The following VAV2 variants were observed in gnomAD, a reference collection of about 807,000 sequenced individuals.
VAV2 encodes vav guanine nucleotide exchange factor 2.
A neutral mutation model predicts 132.5 loss-of-function variants in VAV2; 67 were observed. That is an observed-to-expected ratio of 0.51 (90% CI 0.42 to 0.62). The LOEUF is 0.62. Among genes scored for constraint, VAV2 ranks in the 20% least tolerant of loss-of-function variants. VAV2 has a pLI of 0.00. For missense variants in VAV2, 938 were observed against 1,153.6 expected (o/e 0.81, Z 2.71); for synonymous variants, 492 against 443.5 (o/e 1.11, Z -1.37).
At chr9:133,796,291 T>C in intron 11 of VAV2, 138 bp downstream of exon 11, 1 of 671,048 alleles carries the variant, frequency 1.5e-6, no homozygotes, top group Non-Finnish European at 2.5e-6. Context: ...GCGGTGATTA[T>C]GAGCTAAGCA....
chr9:133,766,994 G>T (rs1205516410), intron 29 of VAV2, among the ~76,000 whole-genome samples: 2 of 151,772 alleles, frequency 1.3e-5, no homozygotes, highest in Non-Finnish European at 2.9e-5. Flanking sequence ...GAAAAAAAGT[G>T]TGTAACTAAC....
Position 133,769,296 on chromosome 9 carries a change from G to T in VAV2, c.2434+121C>A. On this transcript the variant is annotated intron_variant, in intron 28 of 29. Coordinates refer to ENST00000371850, the MANE Select transcript of VAV2 (RefSeq NM_001134398.2). The surrounding 1 kb of genome is among the most constrained non-coding windows in gnomAD (Gnocchi z 8.1). ...CCTTTCTCCCCTCCACCCAGTGCCA[G>T]ACTGCGGACAACTGTGGCCACGTCA... is the stretch of plus-strand genomic sequence containing the variant. 9.1e-7 allele frequency: 1 copy of T among 1,093,220 alleles called. No homozygotes were observed. The highest frequency in any genetic ancestry group is 1.3e-6 in the Non-Finnish European group (1 of 771,770). The allele number at this position is 1,093,220 out of a possible 1,614,324, so 67.7% of individuals were successfully genotyped here.
At chr9:133,792,579 GTGGT>G (rs1834534148) in intron 12 of VAV2, among the ~76,000 whole-genome samples, 1 of 151,302 alleles carries the variant, frequency 6.6e-6, no homozygotes, top group Non-Finnish European at 1.5e-5. Context: ...GTCTGACTGT[GTGGT>G]TGTGTGTGTG....
rs1843040172 is a variant in VAV2, at chr9:133,992,046, CG to C, written c.204+28del. On this transcript the variant is annotated intron_variant, in intron 1 of 29. Transcript: ENST00000371850. The surrounding 1 kb of genome is among the most constrained non-coding windows in gnomAD (Gnocchi z 5.5). ...TCGGGCAGCGCGAACGCCGCCTCCC[CG>C]GGGCCCTCCCGCCCGCCGGGCGCTC... 5.3e-6 allele frequency: 8 copies of C among 1,508,742 alleles called. No homozygotes were observed. Among genetic ancestry groups the C allele is most frequent in the Non-Finnish European group, 7.1e-6 (8 of 1,127,518 alleles). The allele number at this position is 1,508,742 out of a possible 1,614,324, so 93.5% of individuals were successfully genotyped here.
chr9:133,899,639 A>AC (rs1488353723), intron 2 of VAV2, among the ~76,000 whole-genome samples: 2 of 149,030 alleles, frequency 1.3e-5, no homozygotes, highest in African/African-American at 2.5e-5. Context: ...CGAACTCCTG[A>AC]CCTCAGGCGA....
At chr9:133,936,065 G>C (rs933357355) in intron 2 of VAV2, among the ~76,000 whole-genome samples, 2 of 152,150 alleles carry the variant, frequency 1.3e-5, no homozygotes, top group African/African-American at 4.8e-5. Context: ...CCCGCTCAAG[G>C]GAACTTTGAG....
At position 133,946,273 on chromosome 9, in the gene VAV2, G is replaced by A. The variant is rs566205372; in HGVS notation, c.205-7054C>T. Among the ~76,000 whole-genome samples, 8 of 152,344 alleles carry A rather than the reference G, an allele frequency of 5.3e-5. No individual in the cohort carries two copies. The East Asian group carries it at 1.5e-3, about 29-fold the overall frequency. On this transcript the variant is annotated intron_variant, in intron 1 of 29. Coordinates refer to ENST00000371850, the MANE Select transcript of VAV2 (RefSeq NM_001134398.2). ...CACAGGCCGACAAGGGACTTCTGGG[G>A]CCTGGCCTCAGGCTCTCTGCTCATG...
At chr9:133,893,348 G>A (rs759830092) in intron 2 of VAV2, among the ~76,000 whole-genome samples, 3 of 152,184 alleles carry the variant, frequency 2.0e-5, no homozygotes, top group Non-Finnish European at 4.4e-5. Flanking sequence ...CTCGGGTGGC[G>A]AAGGCGGCGG....
rs1182487412 is a variant in VAV2 at position 133,833,640 on chromosome 9, G to A, written c.449+632C>T. On this transcript the variant is annotated intron_variant, in intron 4 of 29. Transcript: ENST00000371850. The surrounding 1 kb of genome is among the most constrained non-coding windows in gnomAD (Gnocchi z 5.6). ...CCTCCTACCTCCCTCCTCCTGGAGC[G>A]GGCCACGTGATCCCACCCTGGTCAC... Among the ~76,000 whole-genome samples the A allele has an allele frequency of 2.6e-5, 4 of 152,152 alleles. No homozygotes were observed. The highest frequency in any genetic ancestry group is 3.4e-3 in the Middle Eastern group (1 of 294).
At chr9:133,946,790 G>C (rs1276607718) in intron 1 of VAV2, among the ~76,000 whole-genome samples, 1 of 152,204 alleles carries the variant, frequency 6.6e-6, no homozygotes, top group East Asian at 1.9e-4. Context: ...AAAATAGCTT[G>C]ATTACTATTC....
chr9:133,931,088 G>A (rs1379458466), intron 2 of VAV2, among the ~76,000 whole-genome samples: 4 of 152,206 alleles, frequency 2.6e-5, no homozygotes, highest in Admixed American at 6.5e-5. Flanking sequence ...CCAGCACCGC[G>A]GGTTCCTGGG....
chr9:133,853,972 C>T (rs1177695750), intron 3 of VAV2, among the ~76,000 whole-genome samples: 1 of 152,140 alleles, frequency 6.6e-6, no homozygotes, highest in Non-Finnish European at 1.5e-5. Context: ...GCCGGGAGCT[C>T]CCAGTGCAGA....
chr9:133,793,265 C>G (rs1278028862), intron 12 of VAV2, among the ~76,000 whole-genome samples: 1 of 152,034 alleles, frequency 6.6e-6, no homozygotes, highest in East Asian at 1.9e-4. Context: ...GCGGTCCTGG[C>G]CCTGCCCCCC....
At chr9:133,825,262 T>A (rs1835940632) in intron 4 of VAV2, among the ~76,000 whole-genome samples, 1 of 152,114 alleles carries the variant, frequency 6.6e-6, no homozygotes, top group South Asian at 2.1e-4. Flanking sequence ...ACGCCCCGTC[T>A]TCCGTCTCTC....
Position 133,928,998 on chromosome 9 carries a change from C to T in VAV2, c.321+10105G>A, listed in dbSNP as rs1383641619. Among the ~76,000 whole-genome samples, 4 of 152,192 alleles carry T rather than the reference C, an allele frequency of 2.6e-5. No individual in the cohort carries two copies. The highest frequency in any genetic ancestry group is 2.6e-4 in the Admixed American group (4 of 15,280). Reference sequence around the variant, plus strand: ...ACTCCCAGGAGCTTCCTCACGAGACCCAGCCCATGAAAACAGGCAGCGGCA... The same window carrying T: ...ACTCCCAGGAGCTTCCTCACGAGACTCAGCCCATGAAAACAGGCAGCGGCA... On this transcript the variant is annotated intron_variant, in intron 2 of 29. Coordinates refer to ENST00000371850, the MANE Select transcript of VAV2 (RefSeq NM_001134398.2). This position sits in a 1 kb window ranked among gnomAD's most constrained non-coding sequence, Gnocchi z 5.4.
chr9:133,914,504 C>A (rs1204321785), intron 2 of VAV2, among the ~76,000 whole-genome samples: 5 of 144,832 alleles, frequency 3.5e-5, no homozygotes, highest in African/African-American at 1.3e-4. Flanking sequence ...GATGCAGACT[C>A]AAAGGGCGCG....
In VAV2 at chr9:133,969,864, A is replaced by G. The variant is rs2492062; in HGVS notation, c.204+22211T>C. 0.92 allele frequency among the ~76,000 whole-genome samples: 139,843 copies of G among 151,994 alleles called. 64,685 individuals carry two copies. The highest frequency in any genetic ancestry group is 0.99 in the East Asian group (5,037 of 5,110). On this transcript the variant is annotated intron_variant, in intron 1 of 29. Transcript: ENST00000371850. This position sits in a 1 kb window ranked among gnomAD's most constrained non-coding sequence, Gnocchi z 5.1. ...CCCTCTCCAGGTGTCCCTGTAGTGC[A>G]GACACAGTGGAGCTTTCCAAAGCCA... is the stretch of plus-strand genomic sequence containing the variant.
At chr9:133,807,118 T>G in intron 8 of VAV2, 140 bp downstream of exon 8, 1 of 943,792 alleles carries the variant, frequency 1.1e-6, no homozygotes, top group Non-Finnish European at 1.5e-6. Context: ...CGGTGGGGGC[T>G]CCTCCTTCCG....
intron 4 of VAV2, among the ~76,000 whole-genome samples, chr9:133,827,312 G>A (rs372169408): frequency 0.065 from 638 of 9,812 alleles, 27 homozygotes; most frequent in Middle Eastern, 0.12. Context: ...GGCATCGCCA[G>A]CTACTGCTGT....
Sources: gnomAD v4.1 joint callset for allele counts (sites outside exome capture counted in the v4.1 genomes callset) on GRCh38, gnomAD v4.1.1 for gene constraint, Gnocchi (gnomAD v3.1) non-coding constraint, MANE v1.5 for transcripts, NCBI Gene and HGNC (gene_info 2026-07-23, HGNC 2026-07-21) for gene names.